FRY: variants seen among roughly 807,000 people sequenced by gnomAD.
FRY encodes FRY microtubule binding protein, also known as protein furry homolog.
Under a neutral mutation model 348.4 loss-of-function variants are expected in FRY, and 128 were observed. The ratio of observed to expected loss-of-function variants is 0.37; its 90% CI spans 0.32 to 0.43. The LOEUF is 0.43. FRY is among the 20% of genes least tolerant of loss of function. The pLI, the probability that FRY is intolerant of heterozygous loss-of-function variation, is 1.00. For synonymous variants in FRY, 1,370 were observed against 1,374.7 expected (o/e 1.00, Z 0.08); for missense variants, 2,736 against 3,695.2 (o/e 0.74, Z 6.73).
In FRY at chr13:32,078,941, A is replaced by G. The variant is rs1229606789; in HGVS notation, c.178A>G (p.Ser60Gly). 1 of 1,613,952 alleles carries G rather than the reference A, an allele frequency of 6.2e-7. No individual in the cohort carries two copies. Among genetic ancestry groups the G allele is most frequent in the Admixed American group, 1.7e-5 (1 of 60,026 alleles). Residue 60 changes from serine (S) to glycine (G), a missense_variant, in exon 2 of 61, where the codon AGT becomes GGT. Physicochemically the swap from Ser to Gly is moderately conservative, Grantham distance 56. Transcript: ENST00000542859. ...TMLPINVDPD[S>G]KPGEYVLKSL... ...GCTACCCATCAATGTGGACCCAGAC[A>G]GTAAACCAGGAGAATATGTCCTCAA... is the stretch of plus-strand genomic sequence containing the variant.
At chr13:32,154,776 G>A (rs995923462) in intron 14 of FRY, among the ~76,000 whole-genome samples, 2 of 152,128 alleles carry the variant, frequency 1.3e-5, no homozygotes, top group African/African-American at 4.8e-5. Context: ...TTCACACATG[G>A]CTGCTTAATG....
intron 30 of FRY, 39 bp downstream of exon 30, chr13:32,202,079 G>C: frequency 8.5e-7 from 1 of 1,177,348 alleles, no homozygotes; most frequent in African/African-American, 1.5e-5. Flanking sequence ...ATCCATCCTT[G>C]AGTACAGAAA....
At chr13:32,261,584 G>A in intron 51 of FRY, 32 bp from the exon 52 acceptor site, 3 of 1,581,678 alleles carry the variant, frequency 1.9e-6, no homozygotes, top group Non-Finnish European at 2.6e-6. Flanking sequence ...GAGGATTTTG[G>A]CATAAAAAAC....
intron 41 of FRY, among the ~76,000 whole-genome samples, chr13:32,234,105 A>G (rs1886078137): frequency 6.8e-6 from 1 of 147,014 alleles, no homozygotes; most frequent in Admixed American, 6.8e-5. Context: ...GGCAACAAAG[A>G]AAGACCCTGT....
intron 34 of FRY, 134 bp from the exon 35 acceptor site, chr13:32,212,158 T>C (rs971711189): frequency 1.5e-6 from 1 of 662,394 alleles, no homozygotes; most frequent in Non-Finnish European, 2.7e-6. Context: ...TGTCTGAGAT[T>C]GTGCAGAAGA....
chr13:32,095,599 T>TC (rs1259509278), intron 2 of FRY, among the ~76,000 whole-genome samples: 1 of 152,150 alleles, frequency 6.6e-6, no homozygotes, highest in African/African-American at 2.4e-5. Flanking sequence ...CACCTTGGTC[T>TC]CCCAAAGTGC....
intron 1 of FRY, among the ~76,000 whole-genome samples, chr13:32,048,005 A>C (rs1030167992): frequency 2.6e-5 from 4 of 151,628 alleles, no homozygotes; most frequent in Non-Finnish European, 5.9e-5. Flanking sequence ...CCCTTCCCCT[A>C]CCCTTTCTAC....
chr13:32,179,349 T>C (rs1389543798), intron 22 of FRY, among the ~76,000 whole-genome samples: 1 of 152,188 alleles, frequency 6.6e-6, no homozygotes, highest in Non-Finnish European at 1.5e-5. Context: ...CCTCACTGAG[T>C]ATTCACCTTT....
At chr13:32,084,542 A>G (rs1339004699) in intron 2 of FRY, among the ~76,000 whole-genome samples, 3 of 152,186 alleles carry the variant, frequency 2.0e-5, no homozygotes, top group Admixed American at 1.3e-4. Context: ...CTTCCCTGCT[A>G]TCTCCACACA....
intron 31 of FRY, among the ~76,000 whole-genome samples, chr13:32,206,295 G>C (rs1884346770): frequency 6.6e-6 from 1 of 152,194 alleles, no homozygotes; most frequent in Non-Finnish European, 1.5e-5. Context: ...GAACACTCAG[G>C]AGAAGGGTTT....
chr13:32,161,948 C>T (rs9567327), intron 17 of FRY, among the ~76,000 whole-genome samples: 40,686 of 151,992 alleles, frequency 0.27, 5,723 homozygotes, highest in East Asian at 0.47. Context: ...TTATGCATGT[C>T]TTTAATTTAA....
In FRY at chr13:32,155,633, C is replaced by T. The variant is rs754175745; in HGVS notation, c.1622C>T (p.Thr541Ile). The change falls in exon 15 of 61, where the codon ACA (threonine) becomes ATA (isoleucine). Residue 541 changes from threonine to isoleucine, a missense_variant. This residue lies in a region of FRY where 191 missense variants were observed against 370.2 expected (regional missense o/e 0.52). Transcript: ENST00000542859. ...GTAAAGAAAACATATTTGAGTAAAACACTAACTGAAGAGGAAGCCAAAATG... is the reference window on the plus strand; with the variant it reads ...GTAAAGAAAACATATTTGAGTAAAATACTAACTGAAGAGGAAGCCAAAATG... ...LRVKKTYLSKTLTEEEAKMIG... is the reference protein window; with the variant it reads ...LRVKKTYLSKILTEEEAKMIG... 1 of 1,613,390 alleles carries T rather than the reference C, an allele frequency of 6.2e-7. No homozygotes were observed. The highest frequency in any genetic ancestry group is 8.5e-7 in the Non-Finnish European group (1 of 1,179,600).
intron 1 of FRY, among the ~76,000 whole-genome samples, chr13:32,047,564 T>A (rs1462809729): frequency 7.0e-6 from 1 of 142,498 alleles, no homozygotes; most frequent in Non-Finnish European, 1.5e-5. Flanking sequence ...CTTTTTTTCT[T>A]TTCTTTTCTT....
intron 3 of FRY, among the ~76,000 whole-genome samples, chr13:32,104,545 A>G (rs1877411081): frequency 6.6e-6 from 1 of 152,268 alleles, no homozygotes; most frequent in Non-Finnish European, 1.5e-5. Context: ...CAAATAGGTC[A>G]CATAGGATTG....
chr13:32,238,641 G>A (rs997976527), intron 44 of FRY, among the ~76,000 whole-genome samples: 2 of 151,966 alleles, frequency 1.3e-5, no homozygotes, highest in Non-Finnish European at 2.9e-5. Context: ...TAGTAGAGAC[G>A]GGGTTTCACC....
chr13:32,117,482 C>A lies in FRY; in HGVS notation c.464+9C>A, dbSNP rs756424033. 3.7e-6 allele frequency: 6 copies of A among 1,611,938 alleles called. No individual in the cohort carries two copies. In the Admixed American group the frequency reaches 5.0e-5, roughly 13 times the overall value. On this transcript the variant is annotated intron_variant, in intron 4 of 60. Transcript: ENST00000542859. ...AGCAATAAATCAAAAAGGTACATTT[C>A]TTTTGTGTAAGGATCATGGTTTTAT... is the stretch of plus-strand genomic sequence containing the variant.
intron 40 of FRY, among the ~76,000 whole-genome samples, chr13:32,229,977 T>C (rs781203402): frequency 2.0e-5 from 3 of 152,224 alleles, no homozygotes; most frequent in Non-Finnish European, 4.4e-5. Flanking sequence ...ACTCTATAAA[T>C]TAGATGTGTT....
chr13:32,229,999 G>C (rs966900327), intron 40 of FRY, among the ~76,000 whole-genome samples: 1 of 152,164 alleles, frequency 6.6e-6, no homozygotes, highest in Non-Finnish European at 1.5e-5. Context: ...TGACTATGCT[G>C]ATAAGGTTTA....
intron 1 of FRY, among the ~76,000 whole-genome samples, chr13:32,053,192 G>A (rs1158299924): frequency 2.6e-5 from 4 of 152,154 alleles, no homozygotes; most frequent in African/African-American, 4.8e-5. Flanking sequence ...AATAGCTACT[G>A]TATTAGAACA....
Sources: gnomAD v4.1 joint callset for allele counts (sites outside exome capture counted in the v4.1 genomes callset) on GRCh38, gnomAD v4.1.1 for gene constraint, gnomAD v4.1.1 regional missense constraint, MANE v1.5 for transcripts, NCBI Gene and HGNC (gene_info 2026-07-23, HGNC 2026-07-21) for gene names.